UBE2D2: variants seen among roughly 807,000 people sequenced by gnomAD.
UBE2D2 encodes ubiquitin conjugating enzyme E2 D2, also known as ubiquitin-conjugating enzyme E2 D2.
A neutral mutation model predicts 24.2 loss-of-function variants in UBE2D2; 2 were observed. That is an observed-to-expected ratio of 0.08 (90% CI 0.03 to 0.26). The LOEUF (loss-of-function observed/expected upper bound fraction) is 0.26. Among genes scored for constraint, UBE2D2 ranks in the 10% least tolerant of loss-of-function variants. The probability of loss-of-function intolerance (pLI) is 1.00; values close to 1 mark genes in which losing one functional copy is unlikely to be tolerated. For missense variants in UBE2D2, 44 were observed against 177.6 expected (o/e 0.25, Z 4.28); for synonymous variants, 58 against 56.5 (o/e 1.03, Z -0.12).
chr5:139,566,221 G>A (rs569549791), intron 1 of UBE2D2, among the ~76,000 whole-genome samples: 1 of 152,080 alleles, frequency 6.6e-6, no homozygotes, highest in Non-Finnish European at 1.5e-5. Flanking sequence ...GTTTCTCCCT[G>A]TTGGCCAGGC....
intron 2 of UBE2D2, among the ~76,000 whole-genome samples, chr5:139,611,516 C>T (rs1268580316): frequency 5.9e-5 from 9 of 151,960 alleles, no homozygotes; most frequent in Non-Finnish European, 1.5e-5. Flanking sequence ...TTAGAGATGG[C>T]GACATTCTTA....
intron 1 of UBE2D2, among the ~76,000 whole-genome samples, chr5:139,533,229 G>C (rs1054523397): frequency 6.6e-6 from 1 of 151,940 alleles, no homozygotes; most frequent in African/African-American, 2.4e-5. Flanking sequence ...CTGTCCCCCA[G>C]ACTGAGTGCA....
In UBE2D2 at chr5:139,550,047, G is replaced by T. The variant is rs534826051; in HGVS notation, c.-64+23435G>T. ...AATCAGCACCCTGTGTCTAGCTCAA[G>T]GTTTGTAAATGCACCAATCAGTGCT... On this transcript the variant is annotated intron_variant, in intron 1 of 6. Transcript: ENST00000511725. Among the ~76,000 whole-genome samples, 3 of 152,150 alleles carry T rather than the reference G, an allele frequency of 2.0e-5. No homozygotes were observed. In the South Asian group the frequency reaches 6.2e-4, roughly 32 times the overall value.
At position 139,575,623 on chromosome 5, in the gene UBE2D2, A is replaced by C. The variant is rs560369507; in HGVS notation, c.24+13808A>C. ...ATTCTCTTAAACATCTTATTATAGAAGTGTCTGCTGCTATCCTTTGAGCAC... is the reference window on the plus strand; with the variant it reads ...ATTCTCTTAAACATCTTATTATAGACGTGTCTGCTGCTATCCTTTGAGCAC... On this transcript the variant is annotated intron_variant, in intron 1 of 6. Coordinates refer to ENST00000398733, the MANE Select transcript of UBE2D2 (RefSeq NM_003339.3). Among the ~76,000 whole-genome samples, 4 of 152,328 alleles carry C rather than the reference A, an allele frequency of 2.6e-5. No individual in the cohort carries two copies. In the South Asian group the frequency reaches 8.3e-4, roughly 32 times the overall value.
intron 1 of UBE2D2, among the ~76,000 whole-genome samples, chr5:139,599,187 G>A (rs1754019111): frequency 1.3e-5 from 2 of 151,416 alleles, no homozygotes; most frequent in African/African-American, 4.8e-5. Flanking sequence ...CTCCCACCTC[G>A]GCCCCACAAA....
chr5:139,583,073 C>G (rs1753642878), intron 1 of UBE2D2, among the ~76,000 whole-genome samples: 2 of 151,252 alleles, frequency 1.3e-5, no homozygotes, highest in Non-Finnish European at 2.9e-5. Flanking sequence ...CTCTTGGGTT[C>G]CAGTGATTCT....
At chr5:139,554,836 TTC>T (rs1032831337) in intron 1 of UBE2D2, 4 of 152,228 alleles carry the variant, frequency 2.6e-5, no homozygotes, top group Non-Finnish European at 4.4e-5. Flanking sequence ...CACCATTTAT[TTC>T]TGTCAATGTT....
At chr5:139,599,592 C>G (rs902477598) in intron 1 of UBE2D2, 2 of 151,458 alleles carry the variant, frequency 1.3e-5, no homozygotes, top group Non-Finnish European at 2.9e-5. Flanking sequence ...AAAAGTTAGC[C>G]GGGCGTTTGG....
intron 1 of UBE2D2, among the ~76,000 whole-genome samples, chr5:139,591,506 T>C (rs1753846310): frequency 6.6e-6 from 1 of 152,176 alleles, no homozygotes; most frequent in Non-Finnish European, 1.5e-5. Flanking sequence ...TTACCATGTC[T>C]GCTTATAGTT....
chr5:139,608,028 A>C (rs186234978), intron 2 of UBE2D2, among the ~76,000 whole-genome samples: 255 of 152,184 alleles, frequency 1.7e-3, no homozygotes, highest in African/African-American at 5.9e-3. Flanking sequence ...AAAAAAAAAA[A>C]AAAACTTAAA....
At chr5:139,619,665 C>T (rs547200329) in intron 5 of UBE2D2, among the ~76,000 whole-genome samples, 1 of 152,096 alleles carries the variant, frequency 6.6e-6, no homozygotes, top group East Asian at 1.9e-4. Flanking sequence ...GAGTTTGAGA[C>T]CAGCCTGACC....
chr5:139,578,137 AGAGACCAC>A (rs1753518460), intron 1 of UBE2D2, among the ~76,000 whole-genome samples: 1 of 152,160 alleles, frequency 6.6e-6, no homozygotes, highest in South Asian at 2.1e-4. Context: ...GGTAGAGAGC[AGAGACCAC>A]TGCTTCAGTA....
At chr5:139,557,311 T>G (rs1328561438), upstream of UBE2D2, among the ~76,000 whole-genome samples, 1 of 151,990 alleles carries the variant, frequency 6.6e-6, no homozygotes, top group Non-Finnish European at 1.5e-5. Context: ...TTTGTATTTT[T>G]TTTTAGTAGA....
intron 1 of UBE2D2, among the ~76,000 whole-genome samples, chr5:139,597,344 C>G (rs907556796): frequency 6.6e-6 from 1 of 152,186 alleles, no homozygotes. Context: ...TGGCTTCTTT[C>G]ACTTAGCAGT....
chr5:139,592,119 T>C (rs969197260), intron 1 of UBE2D2, among the ~76,000 whole-genome samples: 2 of 152,108 alleles, frequency 1.3e-5, no homozygotes, highest in Non-Finnish European at 2.9e-5. Context: ...GGAGAATTGC[T>C]TGAACTTGGG....
intron 1 of UBE2D2, among the ~76,000 whole-genome samples, chr5:139,565,370 C>G (rs943620883): frequency 1.3e-5 from 2 of 152,156 alleles, no homozygotes; most frequent in African/African-American, 4.8e-5. Context: ...CAAAGAGGGT[C>G]ATTATGAACA....
chr5:139,551,000 T>G (rs1223807078), intron 1 of UBE2D2, among the ~76,000 whole-genome samples: 1 of 152,100 alleles, frequency 6.6e-6, no homozygotes, highest in Non-Finnish European at 1.5e-5. Context: ...ACCACTGACC[T>G]TGGTATGGGA....
chr5:139,579,614 C>CT (rs770728945), intron 1 of UBE2D2, among the ~76,000 whole-genome samples: 1 of 152,062 alleles, frequency 6.6e-6, no homozygotes, highest in African/African-American at 2.4e-5. Context: ...TTTAAAAAGT[C>CT]TTACAATCAG....
intron 5 of UBE2D2, among the ~76,000 whole-genome samples, chr5:139,617,138 G>A (rs1226152861): frequency 6.6e-6 from 1 of 151,380 alleles, no homozygotes; most frequent in Non-Finnish European, 1.5e-5. Flanking sequence ...AGTCAAGATG[G>A]TACCATTGCA....
Sources: gnomAD v4.1 joint callset for allele counts (sites outside exome capture counted in the v4.1 genomes callset) on GRCh38, gnomAD v4.1.1 for gene constraint, MANE v1.5 for transcripts, NCBI Gene and HGNC (gene_info 2026-07-23, HGNC 2026-07-21) for gene names.